The following RBFOX1 variants were observed in gnomAD, a reference collection of about 807,000 sequenced individuals.
The protein encoded by RBFOX1 is RNA binding fox-1 homolog 1.
A neutral mutation model predicts 57.7 loss-of-function variants in RBFOX1; 8 were observed. That is an observed-to-expected ratio of 0.14 (90% CI 0.08 to 0.25). The LOEUF is 0.25. Ranked by LOEUF, RBFOX1 falls within the 10% of genes least tolerant of loss-of-function variation. The pLI, the probability that RBFOX1 is intolerant of heterozygous loss-of-function variation, is 1.00. For missense variants in RBFOX1, 611 were observed against 548.5 expected (o/e 1.11, Z -1.14); for synonymous variants, 326 against 222.4 (o/e 1.47, Z -4.15).
At chr16:6,548,315 C>T (rs1389917146) in intron 2 of RBFOX1, among the ~76,000 whole-genome samples, 1 of 152,106 alleles carries the variant, frequency 6.6e-6, no homozygotes, top group Non-Finnish European at 1.5e-5. Context: ...GTTTAGAAAA[C>T]AGAGTGGTGC....
intron 3 of RBFOX1, among the ~76,000 whole-genome samples, chr16:6,827,254 C>T (rs2092270910): frequency 6.6e-6 from 1 of 151,246 alleles, no homozygotes; most frequent in Non-Finnish European, 1.5e-5. Flanking sequence ...AAGTTCTTCT[C>T]TTCAATATGA....
At chr16:6,231,995 C>G (rs951267543) in intron 1 of RBFOX1, among the ~76,000 whole-genome samples, 1 of 152,104 alleles carries the variant, frequency 6.6e-6, no homozygotes. Flanking sequence ...TTGTACTTCC[C>G]TCGTTTGCAA....
chr16:6,762,452 C>T lies in RBFOX1; in HGVS notation c.-16+107802C>T, dbSNP rs764712353. Among the ~76,000 whole-genome samples, 4 of 152,106 alleles carry T rather than the reference C, an allele frequency of 2.6e-5. No homozygotes were observed. In the South Asian group the frequency reaches 8.4e-4, roughly 32 times the overall value. On this transcript the variant is annotated intron_variant, in intron 3 of 15. Transcript: ENST00000550418. ...CGACAATGAAATTATGGATTACCTA[C>T]CTGTAAGAACAAAAGAAAAGGTGTG...
chr16:7,374,471 AACTGTATCCAGCAG>A (rs1461275742), intron 4 of RBFOX1, among the ~76,000 whole-genome samples: 1 of 152,174 alleles, frequency 6.6e-6, no homozygotes, highest in Non-Finnish European at 1.5e-5. Flanking sequence ...GATATGGTGT[AACTGTATCCAGCAG>A]ACTCTAGCCT....
chr16:6,057,087 A>AC (rs35622209), intron 1 of RBFOX1: 1 of 76,010 alleles, frequency 1.3e-5, no homozygotes, highest in Non-Finnish European at 3.2e-5. Flanking sequence ...GAGGGGGGGG[A>AC]ATATTGCAAT....
At chr16:7,279,976 A>G (rs1435396742) in intron 4 of RBFOX1, among the ~76,000 whole-genome samples, 1 of 152,228 alleles carries the variant, frequency 6.6e-6, no homozygotes, top group Non-Finnish European at 1.5e-5. Flanking sequence ...TGGCCATATC[A>G]GCAGATGTTG....
At chr16:6,678,672 C>T (rs756960020) in intron 3 of RBFOX1, among the ~76,000 whole-genome samples, 6 of 151,370 alleles carry the variant, frequency 4.0e-5, no homozygotes, top group African/African-American at 9.7e-5. Context: ...ACACAAGATA[C>T]ACAGAACAAA....
chr16:7,192,811 A>G (rs1368239587), intron 4 of RBFOX1, among the ~76,000 whole-genome samples: 1 of 152,198 alleles, frequency 6.6e-6, no homozygotes. Context: ...AACATTTTTA[A>G]AAAGTAAAAT....
intron 11 of RBFOX1, among the ~76,000 whole-genome samples, chr16:7,641,677 A>C (rs1167980962): frequency 1.3e-5 from 2 of 152,166 alleles, no homozygotes; most frequent in Non-Finnish European, 1.5e-5. Flanking sequence ...GGCAAGTCCT[A>C]ATTCCCACTA....
Position 6,803,490 on chromosome 16 carries a change from C to T in RBFOX1, c.-16+148840C>T, listed in dbSNP as rs773750399. On this transcript the variant is annotated intron_variant, in intron 3 of 15. Transcript: ENST00000550418. ...TTCCTAGGGACTGAAATTTTTAGCT[C>T]CCCAGTGCAATCTGTGTATAATCTA... 1.1e-4 allele frequency among the ~76,000 whole-genome samples: 16 copies of T among 152,224 alleles called. 1 individual carries two copies. The highest frequency in any genetic ancestry group is 6.8e-3 in the Middle Eastern group (2 of 294).
At chr16:6,503,499 C>G (rs1477337664) in intron 2 of RBFOX1, among the ~76,000 whole-genome samples, 3 of 152,190 alleles carry the variant, frequency 2.0e-5, no homozygotes, top group African/African-American at 7.2e-5. Flanking sequence ...ATGGTTTCAT[C>G]TGGGTTTACT....
chr16:7,054,301 G>A (rs1391682805), intron 4 of RBFOX1, among the ~76,000 whole-genome samples: 3 of 118,120 alleles, frequency 2.5e-5, no homozygotes, highest in South Asian at 3.0e-4. Context: ...GTGCCGTGGC[G>A]CAATCTCAGT....
rs749264633 is a variant in RBFOX1, at chr16:5,354,548, AG to A, written c.220-112664del. ...CCCGCAATGTGGGGCCCAGCAGAGA[AG>A]GGGATCAATACATTCTGGCTATTAG... On this transcript the variant is annotated intron_variant, in intron 1 of 2. Coordinates refer to the RBFOX1 transcript ENST00000585867. Among the ~76,000 whole-genome samples, 31 of 152,292 alleles carry A rather than the reference AG, an allele frequency of 2.0e-4. 1 individual carries two copies. The highest frequency in any genetic ancestry group is 6.0e-4 in the African/African-American group (25 of 41,562).
intron 3 of RBFOX1, among the ~76,000 whole-genome samples, chr16:7,036,664 G>C (rs1436915346): frequency 1.3e-5 from 2 of 151,582 alleles, no homozygotes; most frequent in African/African-American, 2.4e-5. Context: ...CTGCACTCCA[G>C]CCTCGTCGAA....
intron 4 of RBFOX1, among the ~76,000 whole-genome samples, chr16:7,474,223 G>A (rs1037826729): frequency 2.6e-5 from 4 of 152,174 alleles, no homozygotes; most frequent in African/African-American, 9.7e-5. Context: ...GGAGGCGGAA[G>A]TTGCAGTGAG....
At chr16:6,780,221 A>T (rs1180411046) in intron 3 of RBFOX1, among the ~76,000 whole-genome samples, 1,397 of 72,016 alleles carry the variant, frequency 0.019, 93 homozygotes, top group Non-Finnish European at 0.026. Context: ...ATATATATTT[A>T]TATATATATT....
At chr16:6,810,535 T>C (rs867041589) in intron 3 of RBFOX1, among the ~76,000 whole-genome samples, 15 of 151,432 alleles carry the variant, frequency 9.9e-5, no homozygotes, top group Admixed American at 2.6e-4. Flanking sequence ...CAAAAACCTC[T>C]TTTTTTTTCC....
chr16:6,644,069 T>A (rs1390163382), intron 2 of RBFOX1, among the ~76,000 whole-genome samples: 3 of 152,132 alleles, frequency 2.0e-5, no homozygotes, highest in Non-Finnish European at 4.4e-5. Flanking sequence ...GAGTTTGCAG[T>A]GAGCCAAGAT....
intron 4 of RBFOX1, among the ~76,000 whole-genome samples, chr16:7,425,275 T>A (rs559323666): frequency 5.4e-4 from 83 of 152,310 alleles, no homozygotes; most frequent in African/African-American, 2.0e-3. Flanking sequence ...GAAGTGGGGT[T>A]TAATTTTTTC....
Sources: gnomAD v4.1 joint callset for allele counts (sites outside exome capture counted in the v4.1 genomes callset) on GRCh38, gnomAD v4.1.1 for gene constraint, MANE v1.5 for transcripts, NCBI Gene and HGNC (gene_info 2026-07-23, HGNC 2026-07-21) for gene names.